The following PLCL1 variants were observed in gnomAD, a reference collection of about 807,000 sequenced individuals.
PLCL1 encodes the protein inactive phospholipase C-like protein 1.
PLCL1 carries 41 observed loss-of-function variants against 84.4 expected under a neutral mutation model. The observed-to-expected ratio is 0.49, with a 90% CI of 0.38 to 0.63. The LOEUF is 0.63. Ranked by LOEUF, PLCL1 falls within the 30% of genes least tolerant of loss-of-function variation. The pLI, the probability that PLCL1 is intolerant of heterozygous loss-of-function variation, is 0.00. For synonymous variants in PLCL1, 490 were observed against 488.3 expected (o/e 1.00, Z -0.05); for missense variants, 1,206 against 1,367.8 (o/e 0.88, Z 1.87).
At chr2:197,955,807 T>C (rs1209633493) in intron 1 of PLCL1, among the ~76,000 whole-genome samples, 3 of 151,834 alleles carry the variant, frequency 2.0e-5, no homozygotes, top group Admixed American at 1.3e-4. Flanking sequence ...TTTTTATTAT[T>C]ATTTTTTAAT....
intron 1 of PLCL1, among the ~76,000 whole-genome samples, chr2:197,847,271 A>G (rs1687137113): frequency 6.6e-6 from 1 of 152,144 alleles, no homozygotes; most frequent in Non-Finnish European, 1.5e-5. Context: ...CATATTTTAA[A>G]AGCAAGAAGT....
chr2:198,061,166 G>C (rs181050378), intron 1 of PLCL1, among the ~76,000 whole-genome samples: 1 of 152,196 alleles, frequency 6.6e-6, no homozygotes, highest in Non-Finnish European at 1.5e-5. Context: ...TAGGAACTCA[G>C]TGTGTGGGAG....
At chr2:197,990,512 T>C (rs546223419) in intron 1 of PLCL1, among the ~76,000 whole-genome samples, 97 of 152,164 alleles carry the variant, frequency 6.4e-4, no homozygotes, top group Non-Finnish European at 1.1e-3. Context: ...CTCACAATCA[T>C]GGCAGTAGGT....
chr2:198,090,414 CTT>C (rs1326096146), intron 3 of PLCL1, among the ~76,000 whole-genome samples: 1 of 151,594 alleles, frequency 6.6e-6, no homozygotes, highest in Non-Finnish European at 1.5e-5. Context: ...TCACCAAACT[CTT>C]TATAATGAAC....
At chr2:198,054,568 A>G (rs188970813) in intron 1 of PLCL1, among the ~76,000 whole-genome samples, 1 of 152,330 alleles carries the variant, frequency 6.6e-6, no homozygotes, top group Admixed American at 6.5e-5. Context: ...TGGGAGTAGA[A>G]TAGGAACCCA....
At position 198,132,885 on chromosome 2, in the gene PLCL1, G is replaced by A. The variant is rs544041375; in HGVS notation, c.3106-13895G>A. Among the ~76,000 whole-genome samples the A allele has an allele frequency of 3.0e-3, 459 of 151,588 alleles. 1 individual carries two copies. The highest frequency in any genetic ancestry group is 0.027 in the Middle Eastern group (8 of 294). ...TTGTTGCCATTGCTTTTGGTGTTTT[G>A]GACATGAAGTCCTTGCCCATGCCTA... On this transcript the variant is annotated intron_variant, in intron 5 of 5. Transcript: ENST00000428675.
At chr2:197,951,867 AT>A (rs1689397216) in intron 1 of PLCL1, among the ~76,000 whole-genome samples, 1 of 152,138 alleles carries the variant, frequency 6.6e-6, no homozygotes, top group African/African-American at 2.4e-5. Flanking sequence ...TAGAAATCCC[AT>A]TGATTGATTG....
chr2:198,106,543 G>A (rs940024760), intron 5 of PLCL1, among the ~76,000 whole-genome samples: 1 of 151,970 alleles, frequency 6.6e-6, no homozygotes, highest in Non-Finnish European at 1.5e-5. Flanking sequence ...GTGGCAGTGT[G>A]TACCCTGATA....
intron 1 of PLCL1, among the ~76,000 whole-genome samples, chr2:197,934,562 C>A (rs1322411320): frequency 1.3e-5 from 2 of 152,038 alleles, no homozygotes; most frequent in African/African-American, 2.4e-5. Flanking sequence ...GAGGTATTTG[C>A]AGATAAGAGA....
At chr2:197,816,490 A>G (rs1690691841) in intron 1 of PLCL1, among the ~76,000 whole-genome samples, 2 of 152,078 alleles carry the variant, frequency 1.3e-5, no homozygotes, top group African/African-American at 4.8e-5. Context: ...TGAATTTACA[A>G]TATCTCTGAG....
chr2:198,047,295 C>T (rs542199330), intron 1 of PLCL1, among the ~76,000 whole-genome samples: 1 of 151,976 alleles, frequency 6.6e-6, no homozygotes, highest in Non-Finnish European at 1.5e-5. Context: ...GTGAATCTCC[C>T]GCCTCAGCCT....
At chr2:198,113,148 T>C (rs1197521602) in intron 5 of PLCL1, among the ~76,000 whole-genome samples, 1 of 151,948 alleles carries the variant, frequency 6.6e-6, no homozygotes, top group Non-Finnish European at 1.5e-5. Context: ...TAGAATCTTG[T>C]TATTGTTTGG....
At chr2:198,041,024 C>T (rs1691649650) in intron 1 of PLCL1, among the ~76,000 whole-genome samples, 1 of 152,122 alleles carries the variant, frequency 6.6e-6, no homozygotes, top group South Asian at 2.1e-4. Context: ...AAGTTGCTCC[C>T]AGTTTGAAAT....
chr2:198,007,517 ACAG>A (rs1275186272), intron 1 of PLCL1, among the ~76,000 whole-genome samples: 10 of 152,320 alleles, frequency 6.6e-5, no homozygotes, highest in Non-Finnish European at 1.3e-4. Context: ...TTACAATATT[ACAG>A]GCACAAGGGA....
chr2:197,865,736 G>C (rs1295260913), intron 1 of PLCL1, among the ~76,000 whole-genome samples: 1 of 151,772 alleles, frequency 6.6e-6, no homozygotes, highest in Non-Finnish European at 1.5e-5. Context: ...GTTTAAGCTG[G>C]ACATAGTGGC....
Position 198,062,583 on chromosome 2 carries a change from A to G in PLCL1, c.241-21175A>G, listed in dbSNP as rs117868535. Among the ~76,000 whole-genome samples the G allele has an allele frequency of 8.5e-5, 13 of 152,366 alleles. No homozygotes were observed. In the East Asian group the frequency reaches 2.5e-3, roughly 29 times the overall value. Reference sequence around the variant, plus strand: ...AGTGCTGAAAAAACACGGTTTCAGTATCCTTATATTCTTAACATGGAGCCA... The same window carrying G: ...AGTGCTGAAAAAACACGGTTTCAGTGTCCTTATATTCTTAACATGGAGCCA... On this transcript the variant is annotated intron_variant, in intron 1 of 5. Transcript: ENST00000428675.
At chr2:197,889,604 C>T (rs1344183484) in intron 1 of PLCL1, among the ~76,000 whole-genome samples, 1 of 152,038 alleles carries the variant, frequency 6.6e-6, no homozygotes, top group Non-Finnish European at 1.5e-5. Context: ...TAGGCTACAC[C>T]AACACACATT....
intron 5 of PLCL1, among the ~76,000 whole-genome samples, chr2:198,136,119 G>A (rs1457983752): frequency 6.6e-6 from 1 of 152,080 alleles, no homozygotes; most frequent in East Asian, 1.9e-4. Flanking sequence ...GTCTTTTTAA[G>A]TTTCAAGATG....
intron 1 of PLCL1, among the ~76,000 whole-genome samples, chr2:197,936,374 C>T (rs1689055882): frequency 6.6e-6 from 1 of 152,008 alleles, no homozygotes; most frequent in Admixed American, 6.6e-5. Flanking sequence ...TTTATATTTC[C>T]ACCAACAATG....
Sources: allele counts gnomAD v4.1 joint callset (sites outside exome capture counted in the v4.1 genomes callset), GRCh38; gene constraint gnomAD v4.1.1; transcripts MANE v1.5; gene names NCBI Gene and HGNC (gene_info 2026-07-23, HGNC 2026-07-21).